SEC14L5: variants seen among roughly 807,000 people sequenced by gnomAD.
SEC14L5 encodes the protein SEC14-like protein 5.
SEC14L5 carries 96 observed loss-of-function variants against 84.6 expected under a neutral mutation model. The observed-to-expected ratio is 1.13, with a 90% CI of 0.96 to 1.34. The LOEUF is 1.34. SEC14L5 is among the 40% of genes most tolerant of loss of function. SEC14L5 has a pLI of 0.00. For missense variants in SEC14L5, 1,224 were observed against 942.5 expected (o/e 1.30, Z -3.91); for synonymous variants, 546 against 383.4 (o/e 1.42, Z -4.95).
intron 8 of SEC14L5, among the ~76,000 whole-genome samples, chr16:4,998,195 G>GCA (rs1955633532): frequency 6.6e-6 from 1 of 151,152 alleles, no homozygotes; most frequent in African/African-American, 2.4e-5. Flanking sequence ...TAGTAGAGAT[G>GCA]GGGTTTCACC....
intron 7 of SEC14L5, among the ~76,000 whole-genome samples, 196 bp from the exon 8 acceptor site, chr16:4,996,659 C>T (rs889673035): frequency 6.6e-6 from 1 of 152,078 alleles, no homozygotes; most frequent in African/African-American, 2.4e-5. Flanking sequence ...GCAACCTTCG[C>T]CTCCTGGGTT....
chr16:4,990,977 A>G, intron 5 of SEC14L5, 82 bp downstream of exon 5: 1 of 1,168,742 alleles, frequency 8.6e-7, no homozygotes, highest in Non-Finnish European at 1.2e-6. Flanking sequence ...CCCTGGCAAG[A>G]CCCTTACCCT....
intron 2 of SEC14L5, among the ~76,000 whole-genome samples, chr16:4,981,795 G>A (rs999225627): frequency 6.6e-6 from 1 of 152,180 alleles, no homozygotes; most frequent in African/African-American, 2.4e-5. Context: ...GATGAAACAG[G>A]CCCAGAGAAA....
chr16:5,008,307 G>A (rs560343808), intron 13 of SEC14L5, 114 bp from the exon 14 acceptor site: 65 of 722,218 alleles, frequency 9.0e-5, no homozygotes, highest in Non-Finnish European at 1.4e-4. Flanking sequence ...GAATGAGCGT[G>A]TGCCTGGGAA....
intron 2 of SEC14L5, among the ~76,000 whole-genome samples, chr16:4,972,582 C>T (rs1314940483): frequency 6.6e-6 from 1 of 152,212 alleles, no homozygotes; most frequent in Non-Finnish European, 1.5e-5. Context: ...AGGAATCATA[C>T]AATAGTTGTC....
At chr16:4,968,266 G>A (rs1203962062) in intron 2 of SEC14L5, among the ~76,000 whole-genome samples, 1 of 151,512 alleles carries the variant, frequency 6.6e-6, no homozygotes, top group African/African-American at 2.4e-5. Context: ...TGAAACCTCT[G>A]CCTCCCGGGT....
rs2072456 is a variant in SEC14L5 at position 5,018,749 on chromosome 16, A to G, written c.*3779A>G. The stretch of plus-strand genomic sequence containing the variant: ...CTGAGTGGTATTTCCCTTGGCAGTT[A>G]GAAAATGTTTTTTCCCAGAGGTTGA... On this transcript the variant is annotated 3_prime_UTR_variant, in exon 16 of 16. Coordinates refer to ENST00000251170, the MANE Select transcript of SEC14L5 (RefSeq NM_014692.2). The G allele has an allele frequency of 0.42, 63,358 of 152,082 alleles. 15,115 individuals carry two copies. Among genetic ancestry groups the G allele is most frequent in the Non-Finnish European group, 0.51 (34,916 of 67,974 alleles). The allele number at this position is 152,082 out of a possible 1,614,324, so 9.4% of individuals were successfully genotyped here.
At position 5,003,523 on chromosome 16, in the gene SEC14L5, C is replaced by G. The variant is rs546103563; in HGVS notation, c.1252C>G (p.Arg418Gly). The change falls in exon 11 of 16, where the codon CGG becomes GGG. Residue 418 changes from arginine (R) to glycine (G), a missense_variant. Arg to Gly is a moderately radical substitution (Grantham distance 125, BLOSUM62 -2). Transcript: ENST00000251170. ...GGACAATTACCCAGAGACCCTGGGT[C>G]GGCTGCTCATCGTGCGAGCCCCCCG... ...VEDNYPETLG[R>G]LLIVRAPRVF... 6 of 1,480,952 alleles carry G rather than the reference C, an allele frequency of 4.1e-6. No homozygotes were observed. Among genetic ancestry groups the G allele is most frequent in the South Asian group, 1.1e-5 (1 of 89,274 alleles). The allele number at this position is 1,480,952 out of a possible 1,614,324, so 91.7% of individuals were successfully genotyped here.
At chr16:4,989,586 A>G (rs543795159) in intron 4 of SEC14L5, among the ~76,000 whole-genome samples, 5 of 152,172 alleles carry the variant, frequency 3.3e-5, no homozygotes, top group African/African-American at 1.2e-4. Context: ...GCTTCAAGTG[A>G]TCCACCCACC....
chr16:5,008,721 G>T, intron 14 of SEC14L5, 73 bp downstream of exon 14: 3 of 1,357,014 alleles, frequency 2.2e-6, no homozygotes, highest in South Asian at 1.2e-5. Flanking sequence ...GGCTTCTGGG[G>T]ATACAGCGGA....
chr16:4,960,612 C>A (rs560988882), intron 2 of SEC14L5: 1 of 152,358 alleles, frequency 6.6e-6, no homozygotes, highest in East Asian at 1.9e-4. Context: ...GAGGCAGGAA[C>A]TGGCTTAGGG....
intron 8 of SEC14L5, among the ~76,000 whole-genome samples, chr16:4,997,449 C>T (rs1955624837): frequency 6.6e-6 from 1 of 152,176 alleles, no homozygotes; most frequent in Non-Finnish European, 1.5e-5. Flanking sequence ...ACTATTTTTC[C>T]TTTTGACTCT....
At chr16:4,982,380 C>A (rs1203777551) in intron 2 of SEC14L5, among the ~76,000 whole-genome samples, 2 of 152,164 alleles carry the variant, frequency 1.3e-5, no homozygotes, top group African/African-American at 4.8e-5. Flanking sequence ...TAAGGTCAGC[C>A]ACAGATGCTG....
intron 2 of SEC14L5, among the ~76,000 whole-genome samples, chr16:4,980,802 G>A (rs1955414066): frequency 1.3e-5 from 2 of 152,180 alleles, no homozygotes; most frequent in Non-Finnish European, 2.9e-5. Flanking sequence ...CAGCATGGAT[G>A]AGGCCCTGAA....
At position 5,011,156 on chromosome 16, in the gene SEC14L5, C is replaced by G; in HGVS notation, c.1862C>G (p.Pro621Arg). The G allele has an allele frequency of 1.9e-6, 3 of 1,612,836 alleles. No homozygotes were observed. Among genetic ancestry groups the G allele is most frequent in the Admixed American group, 1.7e-5 (1 of 59,852 alleles). Residue 621 changes from proline (P) to arginine (R), a missense_variant, in exon 15 of 16, where the codon CCC (proline) becomes CGC (arginine). Coordinates refer to ENST00000251170, the MANE Select transcript of SEC14L5 (RefSeq NM_014692.2). The part of the protein sequence containing the change: ...YLLQWQMHSP[P>R]SSVACSLPGV... Reference sequence around the variant, plus strand: ...CTCCAGTGGCAAATGCACAGCCCCCCCAGCAGCGTGGCCTGCAGCCTCCCG... The same window carrying G: ...CTCCAGTGGCAAATGCACAGCCCCCGCAGCAGCGTGGCCTGCAGCCTCCCG...
chr16:4,987,695 C>G lies in SEC14L5; in HGVS notation c.202C>G (p.Leu68Val). ...SCRLRVDAPR[L>V]LRKIAGVEHV... is the part of the protein sequence containing the mutation. ...CCGGCTGCGCGTGGACGCCCCGCGGCTGCTGCGGAAGGTGGGCGGCCCTGG... is the reference window on the plus strand; with the variant it reads ...CCGGCTGCGCGTGGACGCCCCGCGGGTGCTGCGGAAGGTGGGCGGCCCTGG... Residue 68 changes from leucine (L) to valine (V), a missense_variant, in exon 3 of 16, where the codon CTG (leucine) becomes GTG (valine). Coordinates refer to ENST00000251170, the MANE Select transcript of SEC14L5 (RefSeq NM_014692.2). 1 of 1,526,792 alleles carries G rather than the reference C, an allele frequency of 6.5e-7. No homozygotes were observed. Among genetic ancestry groups the G allele is most frequent in the East Asian group, 2.6e-5 (1 of 38,788 alleles). The allele number at this position is 1,526,792 out of a possible 1,614,324, so 94.6% of individuals were successfully genotyped here.
intron 2 of SEC14L5, among the ~76,000 whole-genome samples, chr16:4,962,962 C>G (rs1463488637): frequency 1.3e-5 from 2 of 152,206 alleles, no homozygotes; most frequent in Non-Finnish European, 2.9e-5. Flanking sequence ...GTCTTTGTTT[C>G]GCAGTTAAAC....
At position 4,996,902 on chromosome 16, in the gene SEC14L5, C is replaced by T; in HGVS notation, c.828C>T (p.Phe276=). The change falls in exon 8 of 16, where the codon TTC becomes TTT. Residue 276 remains phenylalanine (F), a synonymous_variant. Transcript: ENST00000251170. ...HILRFLRAHD[F]HLDKAREMLR... is the part of the protein sequence containing the mutation. ...TTCGGTTCCTGCGGGCTCATGACTT[C>T]CACCTGGACAAGGCCCGGGAAATGC... is the stretch of plus-strand genomic sequence containing the variant. 2 of 1,613,746 alleles carry T rather than the reference C, an allele frequency of 1.2e-6. No homozygotes were observed. Among genetic ancestry groups the T allele is most frequent in the Non-Finnish European group, 1.7e-6 (2 of 1,179,774 alleles).
chr16:5,014,237 A>T (rs1955842980), intron 15 of SEC14L5, among the ~76,000 whole-genome samples: 2 of 152,202 alleles, frequency 1.3e-5, no homozygotes, highest in South Asian at 4.1e-4. Context: ...GTGCAGGTGT[A>T]CAGCACGTTC....
Sources: allele counts gnomAD v4.1 joint callset (sites outside exome capture counted in the v4.1 genomes callset), GRCh38; gene constraint gnomAD v4.1.1; transcripts MANE v1.5; gene names NCBI Gene and HGNC (gene_info 2026-07-23, HGNC 2026-07-21).